Variants in PRH1 observed in about 807,000 individuals in gnomAD.
PRH1 encodes the protein proline rich protein HaeIII subfamily 1.
A neutral mutation model predicts 7.9 loss-of-function variants in PRH1; 7 were observed. The observed-to-expected ratio is 0.89, with a 90% CI of 0.50 to 1.67. The LOEUF is 1.67. PRH1 is among the 40% of genes most tolerant of loss of function. The pLI, the probability that PRH1 is intolerant of heterozygous loss-of-function variation, is 0.00. For synonymous variants in PRH1, 45 were observed against 80.8 expected, an observed-to-expected ratio of 0.56 and a Z score of 2.38; for missense variants, 109 against 223.6, an observed-to-expected ratio of 0.49 and a Z score of 3.27.
intron 1 of PRH1, among the ~76,000 whole-genome samples, chr12:11,017,634 G>A (rs1941360421): frequency 6.6e-6 from 1 of 152,026 alleles, no homozygotes; most frequent in Admixed American, 6.6e-5. Flanking sequence ...ACGGGCATTG[G>A]CCACCATGCC....
chr12:10,965,893 G>A (rs17743605), intron 2 of PRH1, among the ~76,000 whole-genome samples: 37,006 of 151,994 alleles, frequency 0.24, 4,553 homozygotes, highest in Non-Finnish European at 0.25. Context: ...TTTAATCAAA[G>A]TCATCGAAAA....
At chr12:11,149,996 A>G (rs2136422989) in intron 1 of PRH1, among the ~76,000 whole-genome samples, 2 of 120,950 alleles carry the variant, frequency 1.7e-5, no homozygotes, top group Admixed American at 8.3e-5. Flanking sequence ...AACCCCATCA[A>G]AAAGTGGGCA....
At chr12:10,916,846 G>C (rs1446293353) in intron 2 of PRH1, among the ~76,000 whole-genome samples, 3 of 151,838 alleles carry the variant, frequency 2.0e-5, no homozygotes, top group South Asian at 4.2e-4. Context: ...CCAGGAGTTT[G>C]AGACCAGCCT....
intron 1 of PRH1, among the ~76,000 whole-genome samples, chr12:11,135,812 T>G (rs1466158736): frequency 6.6e-6 from 1 of 152,178 alleles, no homozygotes; most frequent in Non-Finnish European, 1.5e-5. Flanking sequence ...ATAAAGTTCT[T>G]ACTTCAACTC....
At chr12:11,083,937 G>GTATAGTGTTCTATTGTACAA (rs1311213420) in intron 1 of PRH1, among the ~76,000 whole-genome samples, 14 of 74,024 alleles carry the variant, frequency 1.9e-4, no homozygotes, top group Admixed American at 5.7e-4. Context: ...TGGTTCTGCT[G>GTATAGTGTTCTATTGTACAA]GGACAATTAA....
intron 2 of PRH1, among the ~76,000 whole-genome samples, chr12:10,934,955 T>C (rs1591696576): frequency 1.3e-5 from 2 of 152,188 alleles, no homozygotes; most frequent in South Asian, 2.1e-4. Flanking sequence ...ATAGCAAATA[T>C]GTAAATTAGT....
chr12:11,026,801 A>C (rs2136087431), intron 1 of PRH1, among the ~76,000 whole-genome samples: 1 of 152,298 alleles, frequency 6.6e-6, no homozygotes, highest in South Asian at 2.1e-4. Flanking sequence ...GGTACTTTTT[A>C]CTGGGCTTGT....
chr12:10,951,329 G>A (rs147520072), intron 2 of PRH1, among the ~76,000 whole-genome samples: 541 of 152,200 alleles, frequency 3.6e-3, no homozygotes, highest in Non-Finnish European at 6.0e-3. Context: ...TCATATATTG[G>A]ATGTCTAAAT....
intron 1 of PRH1, among the ~76,000 whole-genome samples, chr12:11,068,750 A>G (rs1943930389): frequency 6.6e-6 from 1 of 152,204 alleles, no homozygotes; most frequent in South Asian, 2.1e-4. Context: ...TTTCTATAAT[A>G]ATAATAATCC....
At chr12:10,903,279 A>G (rs1236968415) in intron 2 of PRH1, among the ~76,000 whole-genome samples, 2 of 152,154 alleles carry the variant, frequency 1.3e-5, no homozygotes, top group African/African-American at 4.8e-5. Context: ...CTACATAATA[A>G]TAAAGTGTTC....
At chr12:11,082,754 T>C (rs1944536912) in intron 1 of PRH1, among the ~76,000 whole-genome samples, 1 of 116,574 alleles carries the variant, frequency 8.6e-6, no homozygotes, top group African/African-American at 2.9e-5. Flanking sequence ...AAAAGTGACC[T>C]CCAGCAAAGA....
upstream of PRH1, among the ~76,000 whole-genome samples, chr12:10,886,254 T>A (rs886574483): frequency 1.3e-5 from 2 of 152,100 alleles, no homozygotes; most frequent in Non-Finnish European, 2.9e-5. Flanking sequence ...TCAACCATCA[T>A]GTCAAAAAGG....
chr12:11,041,288 C>CAAAAAAA (rs67144212), intron 1 of PRH1, among the ~76,000 whole-genome samples: 6 of 81,358 alleles, frequency 7.4e-5, no homozygotes, highest in Middle Eastern at 7.0e-3. Context: ...CAATGCAAAC[C>CAAAAAAA]AAAAAAAAAA....
chr12:11,063,637 A>C (rs1943699962), intron 1 of PRH1, among the ~76,000 whole-genome samples: 2 of 152,118 alleles, frequency 1.3e-5, no homozygotes, highest in Non-Finnish European at 2.9e-5. Context: ...ATAACTGATA[A>C]ATCAACTCTG....
chr12:10,940,054 A>G (rs1333168329), intron 2 of PRH1, among the ~76,000 whole-genome samples: 1 of 152,192 alleles, frequency 6.6e-6, no homozygotes, highest in Non-Finnish European at 1.5e-5. Flanking sequence ...TTTAAAGTTA[A>G]GTCTGTAAAG....
At chr12:11,018,185 G>C in intron 1 of PRH1, among the ~76,000 whole-genome samples, 1 of 152,032 alleles carries the variant, frequency 6.6e-6, no homozygotes. Context: ...TAGGAGAGGA[G>C]AAAGCAAACC....
intron 1 of PRH1, among the ~76,000 whole-genome samples, chr12:11,145,249 T>C (rs1946828750): frequency 6.6e-6 from 1 of 152,212 alleles, no homozygotes; most frequent in East Asian, 1.9e-4. Flanking sequence ...TGGAATACAG[T>C]GGCGCAATCT....
chr12:10,939,875 C>T (rs1950367690), intron 2 of PRH1, among the ~76,000 whole-genome samples: 1 of 151,978 alleles, frequency 6.6e-6, no homozygotes, highest in South Asian at 2.1e-4. Context: ...TATTTGTTAC[C>T]TGTTATCTGT....
chr12:11,147,381 T>G (rs1469948608), intron 1 of PRH1, among the ~76,000 whole-genome samples: 1 of 152,042 alleles, frequency 6.6e-6, no homozygotes, highest in Non-Finnish European at 1.5e-5. Flanking sequence ...AGAGACAGGG[T>G]TTCACCAGGT....
Sources: gnomAD v4.1 joint callset for allele counts (sites outside exome capture counted in the v4.1 genomes callset) on GRCh38, gnomAD v4.1.1 for gene constraint, MANE v1.5 for transcripts, NCBI Gene and HGNC (gene_info 2026-07-23, HGNC 2026-07-21) for gene names.